The following QTRT1 variants were observed in gnomAD, a reference collection of about 807,000 sequenced individuals.
QTRT1 encodes TGT, 43-KD subunit.
Under a neutral mutation model 44.0 loss-of-function variants are expected in QTRT1, and 41 were observed. That is an observed-to-expected ratio of 0.93 (90% CI 0.73 to 1.21). The LOEUF (loss-of-function observed/expected upper bound fraction) is 1.21. Ranked by LOEUF, QTRT1 falls within the 50% of genes most tolerant of loss-of-function variation. The pLI is 0.00. For synonymous variants in QTRT1, 226 were observed against 237.1 expected, an observed-to-expected ratio of 0.95 and a Z score of 0.43; for missense variants, 542 against 575.8, an observed-to-expected ratio of 0.94 and a Z score of 0.60.
Position 10,707,297 on chromosome 19 carries a change from A to G in QTRT1, c.452-5A>G, listed in dbSNP as rs1001990775. On this transcript the variant is annotated splice_region_variant and splice_polypyrimidine_tract_variant and intron_variant, in intron 3 of 9. Transcript: ENST00000250237. ...CCAGTGATGTTGCCCCCATCTCACC[A>G]TCAGGCTCGGACATCATCATGCAGC... 9 of 1,614,186 alleles carry G rather than the reference A, an allele frequency of 5.6e-6. No homozygotes were observed. Among genetic ancestry groups the G allele is most frequent in the Middle Eastern group, 1.6e-4 (1 of 6,062 alleles).
chr19:10,712,838 C>T lies in QTRT1; in HGVS notation c.942C>T (p.Asp314=). Reference sequence around the variant, plus strand: ...TTGAGAAGGACTTCGGCCCCATAGACCCGGAGTGCACCTGCCCCACGTGCC... The same window carrying T: ...TTGAGAAGGACTTCGGCCCCATAGATCCGGAGTGCACCTGCCCCACGTGCC... ...KVFEKDFGPI[D]PECTCPTCQK... Residue 314 remains aspartate (D), a synonymous_variant, in exon 8 of 10, where the codon GAC becomes GAT. Transcript: ENST00000250237. The surrounding 1 kb of genome is among the most constrained non-coding windows in gnomAD (Gnocchi z 5.6). The T allele has an allele frequency of 6.2e-7, 1 of 1,613,966 alleles. No individual in the cohort carries two copies. Among genetic ancestry groups the T allele is most frequent in the Non-Finnish European group, 8.5e-7 (1 of 1,179,982 alleles).
Position 10,712,158 on chromosome 19 carries a change from C to T in QTRT1, c.647-3C>T, listed in dbSNP as rs1198158670. ...TGGCCCTCACCTTACCCTGTACCCT[C>T]AGAGATGACCAAGCGAGACGTGCCT... On this transcript the variant is annotated splice_region_variant and splice_polypyrimidine_tract_variant and intron_variant, in intron 5 of 9. Coordinates refer to ENST00000250237, the MANE Select transcript of QTRT1 (RefSeq NM_031209.3). This position sits in a 1 kb window ranked among gnomAD's most constrained non-coding sequence, Gnocchi z 5.6. The T allele has an allele frequency of 1.2e-6, 2 of 1,612,426 alleles. No homozygotes were observed. The highest frequency in any genetic ancestry group is 2.2e-5 in the East Asian group (1 of 44,886).
chr19:10,708,197 T>A (rs11671968), intron 5 of QTRT1, among the ~76,000 whole-genome samples: 2 of 151,040 alleles, frequency 1.3e-5, no homozygotes, highest in Non-Finnish European at 3.0e-5. Flanking sequence ...ACTCCTGACC[T>A]TGTGATCTGC....
At position 10,703,627 on chromosome 19, in the gene QTRT1, G is replaced by A. The variant is rs577681334; in HGVS notation, c.451+1373G>A. ...AGCTGCCTCCTGGTTCAAGCAATTC[G>A]CCTGCCTTAGCCTCCCAAGTAGCTG... On this transcript the variant is annotated intron_variant, in intron 3 of 9. Transcript: ENST00000250237. Among the ~76,000 whole-genome samples, 182 of 151,410 alleles carry A rather than the reference G, an allele frequency of 1.2e-3. 2 individuals carry two copies. The highest frequency in any genetic ancestry group is 4.3e-3 in the African/African-American group (177 of 41,308).
rs752765951 is a variant in QTRT1 at position 10,712,505 on chromosome 19, G to C, written c.786-48G>C. On this transcript the variant is annotated intron_variant, in intron 6 of 9. Transcript: ENST00000250237. This position sits in a 1 kb window ranked among gnomAD's most constrained non-coding sequence, Gnocchi z 5.6. ...GTGTGAGGGTTGGGAGGGGCCCTGG[G>C]AAGCCCCTGAGGTTCTCTGCCCCCT... The C allele has an allele frequency of 1.9e-6, 3 of 1,553,620 alleles. No homozygotes were observed. The highest frequency in any genetic ancestry group is 2.7e-6 in the Non-Finnish European group (3 of 1,125,752).
chr19:10,702,879 C>T (rs779447898), intron 3 of QTRT1, among the ~76,000 whole-genome samples: 1 of 148,090 alleles, frequency 6.8e-6, no homozygotes, highest in Non-Finnish European at 1.5e-5. Context: ...AAGTGATTCT[C>T]CTGACTCAGC....
At chr19:10,707,735 C>T (rs563058734) in intron 5 of QTRT1, 120 bp downstream of exon 5, 12 of 652,098 alleles carry the variant, frequency 1.8e-5, no homozygotes, top group Admixed American at 9.5e-5. Context: ...AAAAAATAGC[C>T]GGAGCAAAGG....
At chr19:10,702,059 G>C in intron 2 of QTRT1, 41 bp downstream of exon 2, 1 of 1,613,852 alleles carries the variant, frequency 6.2e-7, no homozygotes, top group Non-Finnish European at 8.5e-7. Flanking sequence ...GCCCTTCTCT[G>C]GAGTGAAGGG....
intron 5 of QTRT1, among the ~76,000 whole-genome samples, chr19:10,707,934 G>A (rs1167833979): frequency 1.3e-5 from 2 of 149,100 alleles, no homozygotes; most frequent in Non-Finnish European, 3.0e-5. Flanking sequence ...GCCTATTTAT[G>A]TATTTATTTA....
At position 10,701,613 on chromosome 19, in the gene QTRT1, G is replaced by T. The variant is rs2068689165; in HGVS notation, c.153G>T (p.Gln51His). The T allele has an allele frequency of 2.5e-6, 4 of 1,606,480 alleles. No individual in the cohort carries two copies. The highest frequency in any genetic ancestry group is 2.5e-6 in the Non-Finnish European group (3 of 1,177,760). The part of the protein sequence containing the change: ...ATPVFMPVGT[Q>H]ATMKGITTEQ... ...CTGTGTTCATGCCAGTGGGCACGCA[G>T]GCCACCATGAAGGGCATCACGACCG... The change falls in exon 1 of 10, where the codon CAG (glutamine) becomes CAT (histidine). Residue 51 changes from glutamine (Q) to histidine (H), a missense_variant. Coordinates refer to ENST00000250237, the MANE Select transcript of QTRT1 (RefSeq NM_031209.3).
rs1282164984 is a variant in QTRT1, at chr19:10,701,552, G to T, written c.92G>T (p.Gly31Val). The T allele has an allele frequency of 6.2e-7, 1 of 1,605,134 alleles. No individual in the cohort carries two copies. The highest frequency in any genetic ancestry group is 8.5e-7 in the Non-Finnish European group (1 of 1,175,920). The part of the protein sequence containing the change: ...AECSRSRARA[G>V]ELWLPHGTVA... ...TGCAGCCGCTCCAGGGCCCGGGCAG[G>T]CGAGCTGTGGCTGCCGCATGGGACA... The change falls in exon 1 of 10, where the codon GGC (glycine) becomes GTC (valine). Residue 31 changes from glycine (G) to valine (V), a missense_variant. Transcript: ENST00000250237.
Position 10,702,033 on chromosome 19 carries a change from G to A in QTRT1, c.312+15G>A, listed in dbSNP as rs772084126. On this transcript the variant is annotated intron_variant, in intron 2 of 9. Transcript: ENST00000250237. ...ATCTGCTAACGGTGAGCTGAGGAGA[G>A]AGCCGACGTTCTAGGGCCCTTCTCT... 3 of 1,614,186 alleles carry A rather than the reference G, an allele frequency of 1.9e-6. No individual in the cohort carries two copies. Among genetic ancestry groups the A allele is most frequent in the East Asian group, 2.2e-5 (1 of 44,888 alleles).
Position 10,712,765 on chromosome 19 carries a change from G to A in QTRT1, c.869G>A (p.Gly290Asp). 1 of 1,613,952 alleles carries A rather than the reference G, an allele frequency of 6.2e-7. No individual in the cohort carries two copies. The highest frequency in any genetic ancestry group is 8.5e-7 in the Non-Finnish European group (1 of 1,179,936). The change falls in exon 8 of 10, where the codon GGC becomes GAC. Residue 290 changes from glycine to aspartate, a missense_variant. Coordinates refer to ENST00000250237, the MANE Select transcript of QTRT1 (RefSeq NM_031209.3). The surrounding 1 kb of genome is among the most constrained non-coding windows in gnomAD (Gnocchi z 5.6). ...CVFPTRTARF[G>D]SALVPTGNLQ... The stretch of plus-strand genomic sequence containing the variant: ...GCCCTTCCTCTCCCACAGCGCTTTG[G>A]CTCTGCCCTGGTGCCCACTGGGAAC...
rs1049437516 is a variant in QTRT1 at position 10,702,641 on chromosome 19, CAAAATAA to C, written c.451+406_451+412del. On this transcript the variant is annotated intron_variant, in intron 3 of 9. Coordinates refer to ENST00000250237, the MANE Select transcript of QTRT1 (RefSeq NM_031209.3). ...CAATACAGGGAGACCCTGTCTCTAC[CAAAATAA>C]AAAATAAAAAATAAAAAAAACAAAT... Among the ~76,000 whole-genome samples, 42 of 149,332 alleles carry C rather than the reference CAAAATAA, an allele frequency of 2.8e-4. 1 individual carries two copies. Among genetic ancestry groups the C allele is most frequent in the Admixed American group, 7.4e-4 (11 of 14,942 alleles).
intron 1 of QTRT1, 22 bp downstream of exon 1, chr19:10,701,725 G>T (rs758957508): frequency 3.4e-5 from 53 of 1,565,190 alleles, no homozygotes; most frequent in Non-Finnish European, 4.5e-5. Context: ...CTGCCCGCGC[G>T]GGGAGGCGGC....
At position 10,702,390 on chromosome 19, in the gene QTRT1, G is replaced by A. The variant is rs553326424; in HGVS notation, c.451+136G>A. 2.8e-4 allele frequency: 261 copies of A among 933,258 alleles called. 2 individuals are homozygous for A. Among genetic ancestry groups the A allele is most frequent in the Non-Finnish European group, 9.4e-5 (59 of 630,072 alleles). The allele number at this position is 933,258 out of a possible 1,614,324, so 57.8% of individuals were successfully genotyped here. The stretch of plus-strand genomic sequence containing the variant: ...AGCTTCAGTTGAACCAACTCAAAGC[G>A]GGGGTAAATAGTAGCAGGTCTTTGG... On this transcript the variant is annotated intron_variant, in intron 3 of 9. Coordinates refer to ENST00000250237, the MANE Select transcript of QTRT1 (RefSeq NM_031209.3).
chr19:10,706,545 G>A (rs2068714380), intron 3 of QTRT1, among the ~76,000 whole-genome samples: 1 of 151,434 alleles, frequency 6.6e-6, no homozygotes, highest in Non-Finnish European at 1.5e-5. Flanking sequence ...GCTAATTTTT[G>A]TATTTTTAGT....
chr19:10,705,694 C>T (rs2068710210), intron 3 of QTRT1, among the ~76,000 whole-genome samples: 1 of 151,648 alleles, frequency 6.6e-6, no homozygotes, highest in Non-Finnish European at 1.5e-5. Context: ...TGCCACCATG[C>T]CGGGCTAATT....
rs1257423109 is a variant in QTRT1 at position 10,712,994 on chromosome 19, A to G, written c.1013A>G (p.Asn338Ser). The G allele has an allele frequency of 6.2e-7, 1 of 1,612,262 alleles. No individual in the cohort carries two copies. Among genetic ancestry groups the G allele is most frequent in the Non-Finnish European group, 8.5e-7 (1 of 1,179,906 alleles). ...AFLHALLHSDNTAALHHLTVH... is the reference protein window; with the variant it reads ...AFLHALLHSDSTAALHHLTVH... Reference sequence around the variant, plus strand: ...CTGCACGCACTGCTGCACAGTGACAACACGGCCGCGCTGCACCACCTCACG... The same window carrying G: ...CTGCACGCACTGCTGCACAGTGACAGCACGGCCGCGCTGCACCACCTCACG... Residue 338 changes from asparagine (N) to serine (S), a missense_variant, in exon 9 of 10, where the codon AAC (asparagine) becomes AGC (serine). Coordinates refer to ENST00000250237, the MANE Select transcript of QTRT1 (RefSeq NM_031209.3). This position sits in a 1 kb window ranked among gnomAD's most constrained non-coding sequence, Gnocchi z 5.6.
Sources: allele counts gnomAD v4.1 joint callset (sites outside exome capture counted in the v4.1 genomes callset), GRCh38; gene constraint gnomAD v4.1.1; non-coding constraint Gnocchi (gnomAD v3.1); transcripts MANE v1.5; gene names NCBI Gene and HGNC (gene_info 2026-07-23, HGNC 2026-07-21).